Variants in SMYD5 observed in about 807,000 individuals in gnomAD.
SMYD5 encodes the protein protein-lysine N-trimethyltransferase SMYD5.
A neutral mutation model predicts 57.4 loss-of-function variants in SMYD5; 35 were observed. The ratio of observed to expected loss-of-function variants is 0.61; its 90% CI spans 0.47 to 0.81. The LOEUF (loss-of-function observed/expected upper bound fraction) is 0.81, where lower values mean the gene tolerates loss of function less well. SMYD5 is among the 30% of genes least tolerant of loss of function. The pLI is 0.00. For missense variants in SMYD5, 471 were observed against 527.9 expected, an observed-to-expected ratio of 0.89 and a Z score of 1.06; for synonymous variants, 198 against 189.7, an observed-to-expected ratio of 1.04 and a Z score of -0.36.
chr2:73,225,537 T>C (rs754045728), intron 11 of SMYD5, 94 bp from the exon 12 acceptor site: 3 of 1,171,666 alleles, frequency 2.6e-6, no homozygotes, highest in Non-Finnish European at 3.7e-6. Context: ...CTCCTAGAGA[T>C]GGGGCAGTGG....
intron 3 of SMYD5, 44 bp downstream of exon 3, chr2:73,220,234 G>C (rs1686358409): frequency 1.2e-6 from 2 of 1,607,306 alleles, no homozygotes; most frequent in African/African-American, 2.7e-5. Flanking sequence ...GTGGGTGAGG[G>C]AGGCCTTAGC....
At chr2:73,218,826 C>T in intron 1 of SMYD5, 35 bp from the exon 2 acceptor site, 2 of 1,525,724 alleles carry the variant, frequency 1.3e-6, no homozygotes, top group Non-Finnish European at 1.8e-6. Flanking sequence ...TCTTCTGTTC[C>T]TTTTTATGGC....
At chr2:73,219,780 G>A in intron 2 of SMYD5, 1 of 511,354 alleles carries the variant, frequency 2.0e-6, no homozygotes, top group Non-Finnish European at 3.6e-6. Context: ...GAGCCCCACA[G>A]AGTGAGTCTG....
At chr2:73,215,949 T>C (rs1686287106) in intron 1 of SMYD5, among the ~76,000 whole-genome samples, 1 of 152,270 alleles carries the variant, frequency 6.6e-6, no homozygotes, top group African/African-American at 2.4e-5. Flanking sequence ...AAAACAGAAA[T>C]GCTTTCTGTC....
chr2:73,224,320 C>T (rs1316715332), intron 10 of SMYD5, among the ~76,000 whole-genome samples: 1 of 152,186 alleles, frequency 6.6e-6, no homozygotes, highest in East Asian at 1.9e-4. Context: ...ACCGTCACTG[C>T]CTTGTGAGAT....
intron 1 of SMYD5, among the ~76,000 whole-genome samples, chr2:73,217,412 T>C (rs537310915): frequency 6.6e-6 from 1 of 152,330 alleles, no homozygotes; most frequent in South Asian, 2.1e-4. Context: ...TCTATATTTG[T>C]CCAATATTGA....
intron 5 of SMYD5, 22 bp downstream of exon 5, chr2:73,221,256 G>A (rs570191125): frequency 3.2e-5 from 51 of 1,606,946 alleles, no homozygotes; most frequent in Middle Eastern, 3.3e-4. Flanking sequence ...CAACCCTCTC[G>A]GGGAAGCTGA....
Position 73,223,961 on chromosome 2 carries a change from C to T in SMYD5, c.898C>T (p.Leu300Phe). Residue 300 changes from leucine (L) to phenylalanine (F), a missense_variant, in exon 10 of 13, where the codon CTT becomes TTT. Transcript: ENST00000389501. ...KDIEAATGEF[L>F]NCEGSGLFVL... ...CTGTCTTACAGCAACTGGAGAGTTTCTTAACTGTGAAGGATCTGGCCTCTT... is the reference window on the plus strand; with the variant it reads ...CTGTCTTACAGCAACTGGAGAGTTTTTTAACTGTGAAGGATCTGGCCTCTT... 1.9e-6 allele frequency: 3 copies of T among 1,614,048 alleles called. No individual in the cohort carries two copies. The highest frequency in any genetic ancestry group is 2.5e-6 in the Non-Finnish European group (3 of 1,179,928).
chr2:73,214,466 G>C, intron 1 of SMYD5, 104 bp downstream of exon 1: 2 of 1,573,648 alleles, frequency 1.3e-6, no homozygotes, highest in Admixed American at 1.8e-5. Flanking sequence ...GTGCCGCTCG[G>C]ACGCTACGGC....
chr2:73,220,777 A>G lies in SMYD5; in HGVS notation c.462A>G (p.Ala154=). ...PLHPLNKLQE[A]WRSIHYPPET... ...ATCCTCTCAATAAGCTTCAGGAGGC[A>G]TGGAGGTAGGTTTCTTTTCCTCTCT... The change falls in exon 4 of 13, where the codon GCA becomes GCG. Residue 154 remains alanine (A), a synonymous_variant. Transcript: ENST00000389501. 6.2e-7 allele frequency: 1 copy of G among 1,613,904 alleles called. No individual in the cohort carries two copies. The highest frequency in any genetic ancestry group is 8.5e-7 in the Non-Finnish European group (1 of 1,179,966).
chr2:73,223,516 C>G lies in SMYD5; in HGVS notation c.867C>G (p.Tyr289Ter), dbSNP rs2103719937. The change falls in exon 9 of 13, where the codon TAC (tyrosine) becomes TAG (stop). Residue 289 changes from tyrosine to a stop codon, truncating the protein, a stop_gained. Transcript: ENST00000389501. LOFTEE classifies it high-confidence loss of function. ...EQLDAFIDQL[Y>*]KDIEAATGEF... Reference sequence around the variant, plus strand: ...TTGACGCCTTCATTGACCAGCTATACAAGGACATCGAGGCAGGTTGGTGAG... The same window carrying G: ...TTGACGCCTTCATTGACCAGCTATAGAAGGACATCGAGGCAGGTTGGTGAG... The G allele has an allele frequency of 1.2e-6, 2 of 1,613,348 alleles. No individual in the cohort carries two copies. Among genetic ancestry groups the G allele is most frequent in the East Asian group, 4.5e-5 (2 of 44,868 alleles).
intron 8 of SMYD5, 63 bp from the exon 9 acceptor site, chr2:73,223,363 G>T (rs1303671840): frequency 1.7e-5 from 19 of 1,134,704 alleles, no homozygotes; most frequent in Non-Finnish European, 2.5e-5. Context: ...CTTACCTGGA[G>T]GTGGAGAGCC....
chr2:73,219,095 A>C, intron 2 of SMYD5, 126 bp downstream of exon 2: 1 of 701,528 alleles, frequency 1.4e-6, no homozygotes, highest in Non-Finnish European at 2.6e-6. Flanking sequence ...TCTTCCATTG[A>C]AGGACTGTGC....
At chr2:73,222,300 A>G (rs376933992) in intron 6 of SMYD5, among the ~76,000 whole-genome samples, 6 of 152,222 alleles carry the variant, frequency 3.9e-5, no homozygotes, top group East Asian at 1.9e-4. Context: ...CCCGTTCCCA[A>G]TCAAAGAGTA....
intron 3 of SMYD5, 38 bp from the exon 4 acceptor site, chr2:73,220,623 C>T: frequency 6.2e-7 from 1 of 1,612,766 alleles, no homozygotes; most frequent in Non-Finnish European, 8.5e-7. Flanking sequence ...GATTCTAGGG[C>T]CAGATCCTTG....
chr2:73,221,672 T>A (rs945568724), intron 5 of SMYD5, among the ~76,000 whole-genome samples, 154 bp from the exon 6 acceptor site: 1 of 152,058 alleles, frequency 6.6e-6, no homozygotes, highest in African/African-American at 2.4e-5. Context: ...TGGCTACAAC[T>A]GGGGAGATGG....
rs747045741 is a variant in SMYD5, at chr2:73,222,821, A to G, written c.705+4A>G. 4 of 1,613,570 alleles carry G rather than the reference A, an allele frequency of 2.5e-6. No homozygotes were observed. The highest frequency in any genetic ancestry group is 1.7e-6 in the Non-Finnish European group (2 of 1,179,688). On this transcript the variant is annotated splice_donor_region_variant and intron_variant, in intron 7 of 12. Transcript: ENST00000389501. ...CTATGAGGAAGCAGTCAGCCAGGTG[A>G]GTGAGGAGAGGGTGGGACCAGTGGC...
Position 73,225,689 on chromosome 2 carries a change from A to G in SMYD5, c.1094A>G (p.His365Arg). ...CGGGAGCGCAGCCGCCACAGCCGCCACAAGATCCTCAGGTGCCAGCTGGGG... is the reference window on the plus strand; with the variant it reads ...CGGGAGCGCAGCCGCCACAGCCGCCGCAAGATCCTCAGGTGCCAGCTGGGG... ...CQRERSRHSRHKILRENYLFV... is the reference protein window; with the variant it reads ...CQRERSRHSRRKILRENYLFV... Residue 365 changes from histidine (H) to arginine (R), a missense_variant, in exon 12 of 13, where the codon CAC becomes CGC. By Grantham distance (29) the His-to-Arg change is conservative. Coordinates refer to ENST00000389501, the MANE Select transcript of SMYD5 (RefSeq NM_006062.3). The G allele has an allele frequency of 6.2e-7, 1 of 1,614,222 alleles. No homozygotes were observed. The highest frequency in any genetic ancestry group is 1.1e-5 in the South Asian group (1 of 91,084).
chr2:73,215,317 T>C (rs1246027313), intron 1 of SMYD5, among the ~76,000 whole-genome samples: 1 of 152,248 alleles, frequency 6.6e-6, no homozygotes, highest in Non-Finnish European at 1.5e-5. Context: ...TGAGGTTGAA[T>C]AATTTATCCT....
Sources: gnomAD v4.1 joint callset for allele counts (sites outside exome capture counted in the v4.1 genomes callset) on GRCh38, gnomAD v4.1.1 for gene constraint, MANE v1.5 for transcripts, NCBI Gene and HGNC (gene_info 2026-07-23, HGNC 2026-07-21) for gene names.